RYR2: variants seen among roughly 807,000 people sequenced by gnomAD.
RYR2 encodes the protein ryanodine receptor 2, also known as cardiac muscle ryanodine receptor-calcium release channel.
A neutral mutation model predicts 601.1 loss-of-function variants in RYR2; 227 were observed. The ratio of observed to expected loss-of-function variants is 0.38; its 90% CI spans 0.34 to 0.42. The LOEUF (loss-of-function observed/expected upper bound fraction) is 0.42, where lower values mean the gene tolerates loss of function less well. RYR2 is among the 10% of genes least tolerant of loss of function. RYR2 has a pLI of 1.00. For synonymous variants in RYR2, 2,223 were observed against 2,175.1 expected, an observed-to-expected ratio of 1.02 and a Z score of -0.61; for missense variants, 4,646 against 6,156.5, an observed-to-expected ratio of 0.75 and a Z score of 8.21.
chr1:237,304,176 TCATCTCCC>T (rs1200527227), intron 2 of RYR2, among the ~76,000 whole-genome samples: 2 of 152,170 alleles, frequency 1.3e-5, no homozygotes, highest in Admixed American at 6.5e-5. Flanking sequence ...TAAAAAAATG[TCATCTCCC>T]CTGCTTTGAC....
At chr1:237,527,443 A>G (rs1027396939) in intron 24 of RYR2, among the ~76,000 whole-genome samples, 1 of 152,328 alleles carries the variant, frequency 6.6e-6, no homozygotes, top group South Asian at 2.1e-4. Context: ...AATGAGAAAT[A>G]TTTATGAAGC....
Position 237,760,936 on chromosome 1 carries a change from T to C in RYR2, c.11403-19T>C. The stretch of plus-strand genomic sequence containing the variant: ...TTCTATTAGTCCTCTAAATGTTTTT[T>C]TTTCCCTTGTTATTATAGTGTCCTT... On this transcript the variant is annotated intron_variant, in intron 83 of 104. Coordinates refer to ENST00000366574, the MANE Select transcript of RYR2 (RefSeq NM_001035.3). 6.6e-7 allele frequency: 1 copy of C among 1,518,640 alleles called. No homozygotes were observed. The highest frequency in any genetic ancestry group is 8.9e-7 in the Non-Finnish European group (1 of 1,117,882). 94.1% of individuals were successfully genotyped at this position (1,518,640 alleles called of 1,614,324 possible).
chr1:237,441,910 G>C (rs1414535938), intron 13 of RYR2, among the ~76,000 whole-genome samples: 1 of 152,100 alleles, frequency 6.6e-6, no homozygotes, highest in African/African-American at 2.4e-5. Context: ...AGGAAAGGAA[G>C]AGTTAAAGGT....
intron 12 of RYR2, among the ~76,000 whole-genome samples, chr1:237,430,508 A>G (rs1247100734): frequency 6.6e-6 from 1 of 152,142 alleles, no homozygotes; most frequent in Admixed American, 6.5e-5. Flanking sequence ...TACACTAATC[A>G]TTTAACTCAC....
intron 24 of RYR2, among the ~76,000 whole-genome samples, chr1:237,514,283 T>C (rs1160290272): frequency 6.6e-6 from 1 of 152,240 alleles, no homozygotes; most frequent in Non-Finnish European, 1.5e-5. Context: ...TTCTGGACTG[T>C]AGAAATCTCT....
intron 1 of RYR2, among the ~76,000 whole-genome samples, chr1:237,189,514 G>A (rs989754791): frequency 6.6e-6 from 1 of 152,188 alleles, no homozygotes; most frequent in African/African-American, 2.4e-5. Flanking sequence ...GGGCATTTGG[G>A]AGGAGACTAG....
Position 237,783,421 on chromosome 1 carries a change from T to C in RYR2, c.11963-254T>C, listed in dbSNP as rs145302253. 7.6e-3 allele frequency among the ~76,000 whole-genome samples: 1,156 copies of C among 152,130 alleles called. 13 individuals carry two copies. The highest frequency in any genetic ancestry group is 0.026 in the African/African-American group (1,087 of 41,548). On this transcript the variant is annotated intron_variant, in intron 89 of 104. Transcript: ENST00000366574. ...TATCTAAAACATGTTGCTTCTTTGA[T>C]TGAGGGGAAAAATGTCAACTTTTGT...
chr1:237,369,635 C>A (rs1700485220), intron 6 of RYR2, 27 bp downstream of exon 6: 1 of 1,542,886 alleles, frequency 6.5e-7, no homozygotes, highest in Non-Finnish European at 8.8e-7. Context: ...TTTCATCTCC[C>A]TGTGGTCATG....
At chr1:237,053,129 G>A (rs1361713988) in intron 1 of RYR2, among the ~76,000 whole-genome samples, 1 of 152,120 alleles carries the variant, frequency 6.6e-6, no homozygotes, top group East Asian at 1.9e-4. Context: ...TTACAGGTGT[G>A]AGCCACCGCA....
intron 16 of RYR2, among the ~76,000 whole-genome samples, chr1:237,467,805 A>G (rs955736904): frequency 1.3e-5 from 2 of 151,538 alleles, no homozygotes; most frequent in Non-Finnish European, 2.9e-5. Flanking sequence ...AACAGGCGGT[A>G]GCCTCAAACT....
At chr1:237,662,350 A>G (rs1683883392) in intron 56 of RYR2, among the ~76,000 whole-genome samples, 1 of 152,122 alleles carries the variant, frequency 6.6e-6, no homozygotes, top group Admixed American at 6.6e-5. Context: ...ATAAGAATAC[A>G]AAGATAGCAA....
rs1030564016 is a variant in RYR2, at chr1:237,106,325, C to A, written c.48+63756C>A. Among the ~76,000 whole-genome samples the A allele has an allele frequency of 6.6e-6, 1 of 152,090 alleles. No individual in the cohort carries two copies. The highest frequency in any genetic ancestry group is 2.4e-5 in the African/African-American group (1 of 41,420). On this transcript the variant is annotated intron_variant, in intron 1 of 104. Transcript: ENST00000366574. This position sits in a 1 kb window ranked among gnomAD's most constrained non-coding sequence, Gnocchi z 4.4. ...ACAGGCTCTGATGTGGCTTGCAGCACGGTGGCAGCAGGGGGAGGTGGCACC... is the reference window on the plus strand; with the variant it reads ...ACAGGCTCTGATGTGGCTTGCAGCAAGGTGGCAGCAGGGGGAGGTGGCACC...
chr1:237,412,311 G>T (rs1704537891), intron 10 of RYR2, among the ~76,000 whole-genome samples: 1 of 152,172 alleles, frequency 6.6e-6, no homozygotes, highest in Non-Finnish European at 1.5e-5. Context: ...GGCCTCTTCA[G>T]GCAGTTTTAT....
intron 37 of RYR2, among the ~76,000 whole-genome samples, chr1:237,616,160 G>C (rs1304445028): frequency 6.6e-6 from 1 of 152,198 alleles, no homozygotes; most frequent in Non-Finnish European, 1.5e-5. Flanking sequence ...TGGACACTGT[G>C]ACTACTTCAG....
At chr1:237,569,830 A>G (rs947682332) in intron 29 of RYR2, among the ~76,000 whole-genome samples, 4 of 152,144 alleles carry the variant, frequency 2.6e-5, no homozygotes, top group African/African-American at 9.7e-5. Flanking sequence ...AAGTTCTAAG[A>G]CAGAAAAATG....
At chr1:237,370,752 C>T (rs1700574502) in intron 6 of RYR2, among the ~76,000 whole-genome samples, 1 of 151,524 alleles carries the variant, frequency 6.6e-6, no homozygotes, top group South Asian at 2.1e-4. Context: ...GCTCCGCCTC[C>T]CAGGTTCACG....
At chr1:237,404,748 G>T (rs1426962164) in intron 10 of RYR2, among the ~76,000 whole-genome samples, 1 of 152,220 alleles carries the variant, frequency 6.6e-6, no homozygotes, top group Non-Finnish European at 1.5e-5. Flanking sequence ...TTGAAAGGGA[G>T]ATTCTCCCAG....
chr1:237,137,694 A>G (rs923117253), intron 1 of RYR2, among the ~76,000 whole-genome samples: 10 of 152,188 alleles, frequency 6.6e-5, no homozygotes, highest in African/African-American at 2.4e-4. Flanking sequence ...AAGGAAGATA[A>G]TTCTACTCTT....
intron 2 of RYR2, among the ~76,000 whole-genome samples, chr1:237,276,163 G>A (rs981836703): frequency 6.6e-6 from 1 of 152,102 alleles, no homozygotes; most frequent in Non-Finnish European, 1.5e-5. Context: ...GTGGTAGCAC[G>A]AACTCGGCTA....
Sources: gnomAD v4.1 joint callset for allele counts (sites outside exome capture counted in the v4.1 genomes callset) on GRCh38, gnomAD v4.1.1 for gene constraint, Gnocchi (gnomAD v3.1) non-coding constraint, MANE v1.5 for transcripts, NCBI Gene and HGNC (gene_info 2026-07-23, HGNC 2026-07-21) for gene names.